Variants in DCAF7 observed in about 807,000 individuals in gnomAD.
DCAF7 encodes DDB1 and CUL4 associated factor 7.
A neutral mutation model predicts 41.2 loss-of-function variants in DCAF7; 4 were observed. The ratio of observed to expected loss-of-function variants is 0.10; its 90% CI spans 0.05 to 0.22. The LOEUF is 0.22. Among genes scored for constraint, DCAF7 ranks in the 10% least tolerant of loss-of-function variants. The probability of loss-of-function intolerance (pLI) is 1.00; values close to 1 mark genes in which losing one functional copy is unlikely to be tolerated. For synonymous variants in DCAF7, 143 were observed against 164.2 expected, an observed-to-expected ratio of 0.87 and a Z score of 0.99; for missense variants, 131 against 443.2, an observed-to-expected ratio of 0.30 and a Z score of 6.32.
At chr17:63,568,751 C>CTG (rs2033472598) in intron 1 of DCAF7, among the ~76,000 whole-genome samples, 1 of 152,162 alleles carries the variant, frequency 6.6e-6, no homozygotes, top group South Asian at 2.1e-4. Flanking sequence ...GGACTGGACC[C>CTG]GGCCAGTGGA....
intron 1 of DCAF7, among the ~76,000 whole-genome samples, chr17:63,563,770 G>A (rs956551859): frequency 6.6e-5 from 10 of 151,976 alleles, no homozygotes; most frequent in African/African-American, 2.2e-4. Flanking sequence ...AGCTGAGATC[G>A]TGCCACTGCA....
intron 1 of DCAF7, among the ~76,000 whole-genome samples, chr17:63,568,135 C>G (rs527695545): frequency 6.6e-6 from 1 of 152,272 alleles, no homozygotes; most frequent in South Asian, 2.1e-4. Context: ...ATTCTCCTGC[C>G]TCAGCCTCCC....
rs2033366990 is a variant in DCAF7, at chr17:63,560,287, G to A, written c.138+9472G>A. Among the ~76,000 whole-genome samples, 6 of 152,270 alleles carry A rather than the reference G, an allele frequency of 3.9e-5. No individual in the cohort carries two copies. The South Asian group carries it at 1.2e-3, about 32-fold the overall frequency. On this transcript the variant is annotated intron_variant, in intron 1 of 6. Transcript: ENST00000614556. ...AATTGGCATTATTTTCCACCTGGTA[G>A]TTCCGCTAGTGGTAATTCATCCTAC... is the stretch of plus-strand genomic sequence containing the variant.
In DCAF7 at chr17:63,591,630, G is replaced by A. The variant is rs908236730; in HGVS notation, c.*2458G>A. On this transcript the variant is annotated 3_prime_UTR_variant, in exon 7 of 7. Transcript: ENST00000614556. ...TCCACCAGCCCGACGACCCATGACT[G>A]AGGAGGGGATTTCTACAGTCTCAGG... The A allele has an allele frequency of 2.0e-5, 3 of 152,268 alleles. No individual in the cohort carries two copies. Among genetic ancestry groups the A allele is most frequent in the African/African-American group, 7.2e-5 (3 of 41,454 alleles). 9.4% of individuals were successfully genotyped at this position (152,268 alleles called of 1,614,324 possible). A position where few individuals can be genotyped will look rare whatever the true frequency, so the allele number is the denominator to read the frequency against.
At chr17:63,560,036 A>G (rs1194031956) in intron 1 of DCAF7, among the ~76,000 whole-genome samples, 1 of 152,224 alleles carries the variant, frequency 6.6e-6, no homozygotes, top group Admixed American at 6.5e-5. Context: ...AAGATCTGCA[A>G]ATCACCAGGA....
rs1568105817 is a variant in DCAF7 at position 63,585,416 on chromosome 17, T to G, written c.856+88T>G. On this transcript the variant is annotated intron_variant, in intron 6 of 6. Coordinates refer to ENST00000614556, the MANE Select transcript of DCAF7 (RefSeq NM_005828.5). ...TAGAATTGTAGTTGTTACTGTTTTC[T>G]AAGCACAGTCTTGAGAGATTTATAC... is the stretch of plus-strand genomic sequence containing the variant. 1.4e-5 allele frequency: 17 copies of G among 1,205,638 alleles called. No homozygotes were observed. In the East Asian group the frequency reaches 4.0e-4, roughly 29 times the overall value. 74.7% of individuals were successfully genotyped at this position (1,205,638 alleles called of 1,614,324 possible).
At chr17:63,583,432 C>T in intron 4 of DCAF7, 70 bp from the exon 5 acceptor site, 1 of 1,386,434 alleles carries the variant, frequency 7.2e-7, no homozygotes, top group Non-Finnish European at 1.0e-6. Flanking sequence ...CTGGACGTGG[C>T]AGATTTCCCT....
rs559767694 is a variant in DCAF7, at chr17:63,579,049, T to C, written c.298-288T>C. 3.3e-5 allele frequency among the ~76,000 whole-genome samples: 5 copies of C among 152,302 alleles called. No individual in the cohort carries two copies. The East Asian group carries it at 9.6e-4, about 29-fold the overall frequency. ...ATCAGCAGCAGCGTCCTCTGTAGCA[T>C]GGGCGTGGCCTTAGTACACCTGTGC... On this transcript the variant is annotated intron_variant, in intron 2 of 6. Transcript: ENST00000614556.
At chr17:63,579,788 G>A (rs771547815) in intron 3 of DCAF7, 37 bp from the exon 4 acceptor site, 3 of 1,542,828 alleles carry the variant, frequency 1.9e-6, no homozygotes, top group Non-Finnish European at 2.7e-6. Flanking sequence ...TGAGAACCTT[G>A]GTCCCGTCAG....
rs1274925480 is a variant in DCAF7, at chr17:63,589,000, C to T, written c.857C>T (p.Ala286Val). 1.9e-6 allele frequency: 3 copies of T among 1,607,440 alleles called. No individual in the cohort carries two copies. The highest frequency in any genetic ancestry group is 1.3e-5 in the African/African-American group (1 of 74,818). ...PHSSCHICTA[A>V]DDHQALIWDI... ...GCTTGCTGGCTTTCTTTGTCCCTAG[C>T]GGATGACCACCAGGCTCTCATCTGG... The change falls in exon 7 of 7, where the codon GCG becomes GTG. Residue 286 changes from alanine to valine, a missense_variant and splice_region_variant. By Grantham distance (64) the Ala-to-Val change is moderately conservative (BLOSUM62 0). Transcript: ENST00000614556.
At chr17:63,582,041 G>T (rs1003291216) in intron 4 of DCAF7, among the ~76,000 whole-genome samples, 1 of 152,116 alleles carries the variant, frequency 6.6e-6, no homozygotes, top group African/African-American at 2.4e-5. Flanking sequence ...GTCCCTGAGG[G>T]TTACCAGGAG....
chr17:63,572,762 C>G (rs2033520550), intron 1 of DCAF7, among the ~76,000 whole-genome samples: 1 of 152,060 alleles, frequency 6.6e-6, no homozygotes, highest in African/African-American at 2.4e-5. Context: ...CTTATTCTTT[C>G]TTTTTTCTTT....
At chr17:63,587,890 G>C (rs1316604992) in intron 6 of DCAF7, among the ~76,000 whole-genome samples, 2 of 151,206 alleles carry the variant, frequency 1.3e-5, no homozygotes, top group African/African-American at 4.9e-5. Flanking sequence ...GGAGGCCGAG[G>C]CAGGAGAATC....
chr17:63,580,028 C>G (rs1362057124), intron 4 of DCAF7, 85 bp downstream of exon 4: 1 of 961,898 alleles, frequency 1.0e-6, no homozygotes, highest in Admixed American at 2.4e-5. Flanking sequence ...TCTCATTGTT[C>G]TGCAATTTAT....
chr17:63,576,828 TG>T (rs1382748764), intron 1 of DCAF7, among the ~76,000 whole-genome samples: 5 of 152,202 alleles, frequency 3.3e-5, no homozygotes, highest in African/African-American at 1.2e-4. Flanking sequence ...GCTGGAGGAT[TG>T]CTTAAGCCCA....
At chr17:63,557,803 G>A (rs2033326433) in intron 1 of DCAF7, among the ~76,000 whole-genome samples, 1 of 152,198 alleles carries the variant, frequency 6.6e-6, no homozygotes. Context: ...AGTTCAAATT[G>A]GCATGAAGTG....
intron 4 of DCAF7, among the ~76,000 whole-genome samples, chr17:63,580,996 G>A (rs1381603278): frequency 1.3e-5 from 2 of 152,090 alleles, no homozygotes; most frequent in African/African-American, 2.4e-5. Flanking sequence ...CAGATAAAAG[G>A]AATGCCTTGA....
In DCAF7 at chr17:63,592,539, A is replaced by T. The variant is rs2060169080; in HGVS notation, c.*3367A>T. ...AGGTTTTGATGACAATTAGGGCCAA[A>T]ATTTTAGGAGGAGATGTAGGATGCA... On this transcript the variant is annotated 3_prime_UTR_variant, in exon 7 of 7. Transcript: ENST00000614556. 1 of 152,246 alleles carries T rather than the reference A, an allele frequency of 6.6e-6. No individual in the cohort carries two copies. The highest frequency in any genetic ancestry group is 1.5e-5 in the Non-Finnish European group (1 of 68,046). The allele number at this position is 152,246 out of a possible 1,614,324, so 9.4% of individuals were successfully genotyped here.
Position 63,579,333 on chromosome 17 carries a change from T to G in DCAF7, c.298-4T>G, listed in dbSNP as rs766479648. On this transcript the variant is annotated splice_region_variant and splice_polypyrimidine_tract_variant and intron_variant, in intron 2 of 6. Coordinates refer to ENST00000614556, the MANE Select transcript of DCAF7 (RefSeq NM_005828.5). ...GATTTTTTTTAAAATTCTTGTTCCT[T>G]CAGGTTGGTGAAACAGAGACCAGGC... 2.5e-6 allele frequency: 4 copies of G among 1,588,908 alleles called. No homozygotes were observed. Among genetic ancestry groups the G allele is most frequent in the Non-Finnish European group, 8.6e-7 (1 of 1,165,598 alleles).
Sources: gnomAD v4.1 joint callset for allele counts (sites outside exome capture counted in the v4.1 genomes callset) on GRCh38, gnomAD v4.1.1 for gene constraint, MANE v1.5 for transcripts, NCBI Gene and HGNC (gene_info 2026-07-23, HGNC 2026-07-21) for gene names.